CTNND2: variants seen among roughly 807,000 people sequenced by gnomAD.
CTNND2 encodes catenin delta 2.
Under a neutral mutation model 144.4 loss-of-function variants are expected in CTNND2, and 22 were observed. The observed-to-expected ratio is 0.15, with a 90% CI of 0.11 to 0.22. CTNND2 has a LOEUF of 0.22. Ranked by LOEUF, CTNND2 falls within the 10% of genes least tolerant of loss-of-function variation. The probability of loss-of-function intolerance (pLI) is 1.00; values close to 1 mark genes in which losing one functional copy is unlikely to be tolerated. For synonymous variants in CTNND2, 751 were observed against 695.6 expected (o/e 1.08, Z -1.25); for missense variants, 1,353 against 1,618.8 (o/e 0.84, Z 2.82).
At chr5:11,777,911 T>G (rs1790342313) in intron 1 of CTNND2, among the ~76,000 whole-genome samples, 1 of 152,114 alleles carries the variant, frequency 6.6e-6, no homozygotes, top group African/African-American at 2.4e-5. Flanking sequence ...AACTTTTAAG[T>G]TTTTGCACCT....
chr5:11,483,044 T>C (rs989371253), intron 3 of CTNND2, among the ~76,000 whole-genome samples: 1 of 151,910 alleles, frequency 6.6e-6, no homozygotes, highest in African/African-American at 2.4e-5. Flanking sequence ...TGGTTTTCAT[T>C]GATAGCCTCC....
chr5:11,533,688 C>T (rs535510512), intron 3 of CTNND2, among the ~76,000 whole-genome samples: 17 of 152,326 alleles, frequency 1.1e-4, no homozygotes, highest in Admixed American at 2.6e-4. Context: ...CATGGAAGCA[C>T]CAATTTTTAC....
chr5:11,003,268 C>T (rs1021772746), intron 18 of CTNND2, among the ~76,000 whole-genome samples: 7 of 152,094 alleles, frequency 4.6e-5, no homozygotes, highest in African/African-American at 1.7e-4. Flanking sequence ...ACCCATGCAC[C>T]AGCCTGTAAC....
intron 3 of CTNND2, among the ~76,000 whole-genome samples, chr5:11,426,564 T>C (rs10075779): frequency 0.095 from 14,531 of 152,260 alleles, 2,007 homozygotes; most frequent in African/African-American, 0.31. Context: ...CTCGTTCACA[T>C]AGAGCATTTG....
intron 7 of CTNND2, among the ~76,000 whole-genome samples, chr5:11,367,195 G>A (rs1286536601): frequency 6.6e-6 from 1 of 152,102 alleles, no homozygotes; most frequent in Non-Finnish European, 1.5e-5. Flanking sequence ...ATTTTAAAAA[G>A]AACATTATTT....
chr5:11,289,339 T>C (rs1283850646), intron 9 of CTNND2, among the ~76,000 whole-genome samples: 1 of 152,180 alleles, frequency 6.6e-6, no homozygotes, highest in Non-Finnish European at 1.5e-5. Context: ...AGATTCCATA[T>C]CCCAGTGGAG....
intron 3 of CTNND2, among the ~76,000 whole-genome samples, chr5:11,439,450 G>A (rs967677014): frequency 6.6e-6 from 1 of 152,106 alleles, no homozygotes; most frequent in Non-Finnish European, 1.5e-5. Context: ...TTAGTTTTCT[G>A]TTAATGGAAG....
chr5:11,600,139 C>T (rs1221994540), intron 2 of CTNND2, among the ~76,000 whole-genome samples: 1 of 152,170 alleles, frequency 6.6e-6, no homozygotes, highest in South Asian at 2.1e-4. Flanking sequence ...CTGACACTGT[C>T]AGTGTTGGAG....
intron 1 of CTNND2, among the ~76,000 whole-genome samples, chr5:11,786,545 C>T (rs1209466966): frequency 6.6e-6 from 1 of 152,088 alleles, no homozygotes; most frequent in Non-Finnish European, 1.5e-5. Flanking sequence ...TCAGGAAAGG[C>T]TGAAGCAAGA....
intron 18 of CTNND2, among the ~76,000 whole-genome samples, chr5:10,995,399 C>T (rs2937495): frequency 0.22 from 33,256 of 151,958 alleles, 3,758 homozygotes; most frequent in Non-Finnish European, 0.25. Flanking sequence ...CAACCGAATA[C>T]CGAGGAGGAC....
At chr5:11,103,486 C>T (rs544636493) in intron 14 of CTNND2, among the ~76,000 whole-genome samples, 20 of 151,770 alleles carry the variant, frequency 1.3e-4, no homozygotes, top group African/African-American at 2.9e-4. Context: ...GCCTGGCCAA[C>T]GTGGTGAAAC....
chr5:11,447,790 G>T (rs762911080), intron 3 of CTNND2, among the ~76,000 whole-genome samples: 1 of 152,136 alleles, frequency 6.6e-6, no homozygotes, highest in Non-Finnish European at 1.5e-5. Flanking sequence ...TGAGTAGCAG[G>T]GGCCAAGGAA....
intron 2 of CTNND2, among the ~76,000 whole-genome samples, chr5:11,673,942 T>C (rs1395967127): frequency 1.3e-5 from 2 of 152,206 alleles, no homozygotes; most frequent in East Asian, 3.9e-4. Context: ...ATCATAATTA[T>C]GACTAGATTG....
intron 10 of CTNND2, among the ~76,000 whole-genome samples, chr5:11,226,354 G>A (rs543006330): frequency 1.3e-4 from 20 of 152,180 alleles, no homozygotes; most frequent in South Asian, 4.1e-4. Context: ...CTGTCCACCC[G>A]CTTTACTGTG....
At chr5:11,573,118 T>C (rs1044137603) in intron 2 of CTNND2, among the ~76,000 whole-genome samples, 1 of 152,206 alleles carries the variant, frequency 6.6e-6, no homozygotes, top group Non-Finnish European at 1.5e-5. Flanking sequence ...AAGTCTGAGA[T>C]GTCCCCGACA....
chr5:11,337,212 CA>C (rs1174562157), intron 9 of CTNND2, among the ~76,000 whole-genome samples: 7 of 152,134 alleles, frequency 4.6e-5, no homozygotes, highest in African/African-American at 1.4e-4. Flanking sequence ...TCTGTGCATC[CA>C]ACTGGAGTGT....
At chr5:11,865,874 G>A (rs948464112) in intron 1 of CTNND2, among the ~76,000 whole-genome samples, 4 of 111,190 alleles carry the variant, frequency 3.6e-5, no homozygotes, top group African/African-American at 1.3e-4. Flanking sequence ...CAAGGAATGT[G>A]GGGGCAACCT....
chr5:11,706,324 A>G (rs1333934013), intron 2 of CTNND2, among the ~76,000 whole-genome samples: 1 of 152,194 alleles, frequency 6.6e-6, no homozygotes, highest in African/African-American at 2.4e-5. Flanking sequence ...AACCATTTCC[A>G]TTGGTGTGAT....
chr5:11,286,932 C>G (rs1045758511), intron 9 of CTNND2, among the ~76,000 whole-genome samples: 1 of 152,176 alleles, frequency 6.6e-6, no homozygotes, highest in Non-Finnish European at 1.5e-5. Flanking sequence ...AAGCATCCAT[C>G]AATCAGAGAA....
Sources: gnomAD v4.1 joint callset for allele counts (sites outside exome capture counted in the v4.1 genomes callset) on GRCh38, gnomAD v4.1.1 for gene constraint, MANE v1.5 for transcripts, NCBI Gene and HGNC (gene_info 2026-07-23, HGNC 2026-07-21) for gene names.